RAD51B: variants seen among roughly 807,000 people sequenced by gnomAD.
The protein encoded by RAD51B is RAD51 paralog B, also known as DNA repair protein RAD51 homolog 2.
RAD51B carries 38 observed loss-of-function variants against 42.2 expected under a neutral mutation model. The ratio of observed to expected loss-of-function variants is 0.90; its 90% CI spans 0.70 to 1.18. RAD51B has a LOEUF of 1.18. Among genes scored for constraint, RAD51B ranks in the 50% most tolerant of loss-of-function variants. The pLI is 0.00. For missense variants in RAD51B, 373 were observed against 400.7 expected (o/e 0.93, Z 0.59); for synonymous variants, 154 against 145.2 (o/e 1.06, Z -0.43).
At chr14:67,990,992 A>T (rs2075287862) in intron 7 of RAD51B, among the ~76,000 whole-genome samples, 2 of 152,290 alleles carry the variant, frequency 1.3e-5, no homozygotes, top group South Asian at 4.1e-4. Context: ...ACTATATACT[A>T]ATGGAGAAGA....
chr14:68,176,954 GCTCTAAATCA>G (rs1171622660), intron 7 of RAD51B, among the ~76,000 whole-genome samples: 1 of 152,080 alleles, frequency 6.6e-6, no homozygotes, highest in Non-Finnish European at 1.5e-5. Flanking sequence ...CTAGAGATCT[GCTCTAAATCA>G]CTCTGTTCAT....
At chr14:68,575,150 G>T (rs1889904083) in intron 10 of RAD51B, among the ~76,000 whole-genome samples, 1 of 152,236 alleles carries the variant, frequency 6.6e-6, no homozygotes, top group Non-Finnish European at 1.5e-5. Flanking sequence ...TTCAGATGGT[G>T]CTCCTCAGTG....
At chr14:68,334,065 T>G (rs1298116491) in intron 8 of RAD51B, among the ~76,000 whole-genome samples, 1 of 152,110 alleles carries the variant, frequency 6.6e-6, no homozygotes, top group Non-Finnish European at 1.5e-5. Flanking sequence ...TCATTTAACA[T>G]AATGTCTTCC....
At chr14:68,100,586 A>G (rs1217459388) in intron 7 of RAD51B, among the ~76,000 whole-genome samples, 1 of 151,962 alleles carries the variant, frequency 6.6e-6, no homozygotes, top group Non-Finnish European at 1.5e-5. Context: ...CCCCTTATTT[A>G]CTGGGTATGG....
intron 7 of RAD51B, among the ~76,000 whole-genome samples, chr14:68,181,828 T>C (rs1428047861): frequency 2.6e-5 from 4 of 152,194 alleles, no homozygotes; most frequent in African/African-American, 9.7e-5. Flanking sequence ...ATCAAAGGGT[T>C]ATGTCCTCAG....
rs1035924829 is a variant in RAD51B at position 68,562,633 on chromosome 14, C to G, written c.1037-31852C>G. The G allele has an allele frequency of 3.0e-6, 3 of 985,292 alleles. No individual in the cohort carries two copies. In the East Asian group the frequency reaches 3.4e-4, roughly 112 times the overall value. 61.0% of individuals were successfully genotyped at this position (985,292 alleles called of 1,614,324 possible). On this transcript the variant is annotated intron_variant, in intron 10 of 10. Coordinates refer to the RAD51B transcript ENST00000487270. ...ATTGTTAGTTCTCTGTTCTAATGAT[C>G]AGCTGTGAGGACCTAAGCAAATGAG... is the stretch of plus-strand genomic sequence containing the variant.
At position 68,323,136 on chromosome 14, in the gene RAD51B, T is replaced by G. The variant is rs574373024; in HGVS notation, c.853+31156T>G. 9.8e-5 allele frequency among the ~76,000 whole-genome samples: 15 copies of G among 152,292 alleles called. No homozygotes were observed. In the South Asian group the frequency reaches 3.1e-3, roughly 32 times the overall value. On this transcript the variant is annotated intron_variant, in intron 8 of 10. Transcript: ENST00000471583. ...CAGGGACAAAATAAATATGCCTTCCTGACCCAAAGACAGGAGCGCCCAGGG... is the reference window on the plus strand; with the variant it reads ...CAGGGACAAAATAAATATGCCTTCCGGACCCAAAGACAGGAGCGCCCAGGG...
At chr14:68,445,359 C>A (rs1032331620) in intron 9 of RAD51B, among the ~76,000 whole-genome samples, 1 of 151,638 alleles carries the variant, frequency 6.6e-6, no homozygotes, top group Non-Finnish European at 1.5e-5. Context: ...ATTTCCAATT[C>A]AATAGTATTT....
intron 7 of RAD51B, among the ~76,000 whole-genome samples, chr14:67,968,634 C>T (rs1418642026): frequency 6.6e-6 from 1 of 152,128 alleles, no homozygotes; most frequent in Non-Finnish European, 1.5e-5. Context: ...CCAACAGGTC[C>T]CTCATCTCCA....
chr14:68,493,604 C>T (rs374347499), intron 10 of RAD51B, among the ~76,000 whole-genome samples: 3 of 152,204 alleles, frequency 2.0e-5, no homozygotes, highest in Non-Finnish European at 2.9e-5. Context: ...AAGTGTCACG[C>T]GTCAGCTATT....
intron 4 of RAD51B, 64 bp from the exon 5 acceptor site, chr14:67,864,939 C>A: frequency 2.4e-6 from 3 of 1,261,156 alleles, no homozygotes; most frequent in Non-Finnish European, 3.0e-6. Context: ...CTTTGACTGG[C>A]TTGTGATGTT....
chr14:67,825,353 C>T (rs180743540), intron 2 of RAD51B, 111 bp from the exon 3 acceptor site: 307 of 634,714 alleles, frequency 4.8e-4, no homozygotes, highest in Middle Eastern at 2.3e-3. Flanking sequence ...CTTTGATCTG[C>T]GATAAATTAT....
At chr14:68,118,783 G>C (rs1187801016) in intron 7 of RAD51B, among the ~76,000 whole-genome samples, 1 of 152,008 alleles carries the variant, frequency 6.6e-6, no homozygotes, top group Non-Finnish European at 1.5e-5. Flanking sequence ...TGTGTGTGTT[G>C]TGTGCATGTG....
chr14:68,604,130 G>C (rs574867476), intron 10 of RAD51B, among the ~76,000 whole-genome samples: 1 of 152,352 alleles, frequency 6.6e-6, no homozygotes, highest in Non-Finnish European at 1.5e-5. Context: ...GACGTCTCCT[G>C]GCTGGGGAGT....
intron 10 of RAD51B, among the ~76,000 whole-genome samples, chr14:68,568,928 C>T (rs1024881868): frequency 1.3e-5 from 2 of 152,146 alleles, no homozygotes; most frequent in Non-Finnish European, 1.5e-5. Context: ...GGCTTCCTCT[C>T]CCCAACCCAG....
intron 7 of RAD51B, among the ~76,000 whole-genome samples, chr14:68,070,676 T>C (rs1173688717): frequency 1.3e-5 from 2 of 152,228 alleles, no homozygotes; most frequent in African/African-American, 4.8e-5. Flanking sequence ...TTTTAGTTAC[T>C]GTAGCCTTGT....
At chr14:67,861,575 T>TGA (rs1566928996) in intron 4 of RAD51B, among the ~76,000 whole-genome samples, 38 of 131,380 alleles carry the variant, frequency 2.9e-4, no homozygotes, top group African/African-American at 1.0e-3. Context: ...GAACCTGTCT[T>TGA]TAAAAAAAAA....
At chr14:67,932,270 A>G (rs2044766673) in intron 7 of RAD51B, among the ~76,000 whole-genome samples, 1 of 152,098 alleles carries the variant, frequency 6.6e-6, no homozygotes, top group Non-Finnish European at 1.5e-5. Flanking sequence ...TTTGGCTTTG[A>G]TTCTGGGTGC....
intron 10 of RAD51B, among the ~76,000 whole-genome samples, chr14:68,644,950 A>G (rs1393671921): frequency 6.6e-6 from 1 of 151,984 alleles, no homozygotes; most frequent in Admixed American, 6.6e-5. Context: ...CTTTGACCCT[A>G]CTCAGTTTGT....
Sources: allele counts gnomAD v4.1 joint callset (sites outside exome capture counted in the v4.1 genomes callset), GRCh38; gene constraint gnomAD v4.1.1; transcripts MANE v1.5; gene names NCBI Gene and HGNC (gene_info 2026-07-23, HGNC 2026-07-21).